LPP: variants seen among roughly 807,000 people sequenced by gnomAD.
LPP encodes lipoma-preferred partner.
LPP carries 38 observed loss-of-function variants against 60.4 expected under a neutral mutation model. That is an observed-to-expected ratio of 0.63 (90% CI 0.49 to 0.83). The LOEUF is 0.83. Ranked by LOEUF, LPP falls within the 40% of genes least tolerant of loss-of-function variation. LPP has a pLI of 0.00. For missense variants in LPP, 902 were observed against 783.6 expected (o/e 1.15, Z -1.80); for synonymous variants, 328 against 290.8 (o/e 1.13, Z -1.30).
intron 8 of LPP, among the ~76,000 whole-genome samples, chr3:188,715,090 T>C (rs899144070): frequency 6.6e-6 from 1 of 152,004 alleles, no homozygotes; most frequent in Non-Finnish European, 1.5e-5. Context: ...TAGTGATAGA[T>C]ACTTAAAAAG....
intron 4 of LPP, among the ~76,000 whole-genome samples, chr3:188,478,897 G>C (rs1484359490): frequency 6.6e-6 from 1 of 152,004 alleles, no homozygotes; most frequent in East Asian, 1.9e-4. Context: ...GGGATTACAG[G>C]CTCCTGCTAC....
At chr3:188,661,848 G>A (rs1335581532) in intron 7 of LPP, among the ~76,000 whole-genome samples, 3 of 152,052 alleles carry the variant, frequency 2.0e-5, no homozygotes, top group African/African-American at 7.2e-5. Context: ...TTATCTTGGA[G>A]AACTCCTAAC....
chr3:188,321,905 G>A (rs1757064934), intron 2 of LPP, among the ~76,000 whole-genome samples: 1 of 152,156 alleles, frequency 6.6e-6, no homozygotes. Flanking sequence ...ATTTTCTTAA[G>A]ATAGCCAGCA....
intron 2 of LPP, among the ~76,000 whole-genome samples, chr3:188,283,347 A>C (rs1442679064): frequency 6.6e-6 from 1 of 152,146 alleles, no homozygotes; most frequent in Non-Finnish European, 1.5e-5. Context: ...CCCCTGTTAC[A>C]AGGAAAGCAG....
intron 2 of LPP, among the ~76,000 whole-genome samples, chr3:188,263,988 G>A (rs1447830634): frequency 6.6e-6 from 1 of 152,142 alleles, no homozygotes; most frequent in Non-Finnish European, 1.5e-5. Flanking sequence ...TGTGTGCAAG[G>A]TGTATTATGT....
intron 4 of LPP, among the ~76,000 whole-genome samples, chr3:188,439,810 C>G (rs1793329585): frequency 6.6e-6 from 1 of 152,128 alleles, no homozygotes; most frequent in African/African-American, 2.4e-5. Context: ...ACTATATTAC[C>G]AAGTTAACCA....
intron 2 of LPP, among the ~76,000 whole-genome samples, chr3:188,300,779 A>G (rs1363222640): frequency 1.3e-5 from 2 of 152,222 alleles, no homozygotes; most frequent in Admixed American, 6.5e-5. Flanking sequence ...AGGATACAAT[A>G]GATTTGTTTT....
At chr3:188,157,701 G>A (rs1716919185) in intron 1 of LPP, among the ~76,000 whole-genome samples, 1 of 151,990 alleles carries the variant, frequency 6.6e-6, no homozygotes, top group Non-Finnish European at 1.5e-5. Flanking sequence ...GAGGGAAAAA[G>A]GTGGAGTGGG....
At chr3:188,671,468 T>A (rs1464511964) in intron 7 of LPP, among the ~76,000 whole-genome samples, 1 of 152,190 alleles carries the variant, frequency 6.6e-6, no homozygotes. Context: ...TTTTTTTCTA[T>A]GCAAATCACA....
chr3:188,401,186 A>G (rs150567560), intron 3 of LPP, among the ~76,000 whole-genome samples: 76 of 152,274 alleles, frequency 5.0e-4, no homozygotes, highest in African/African-American at 1.8e-3. Flanking sequence ...TCAATTTTTA[A>G]TACCTGGAGT....
At chr3:188,740,172 T>C (rs1182170504) in intron 8 of LPP, among the ~76,000 whole-genome samples, 1 of 151,998 alleles carries the variant, frequency 6.6e-6, no homozygotes, top group Admixed American at 6.6e-5. Flanking sequence ...AACACAGGCA[T>C]CAGAAAGTCA....
chr3:188,407,089 A>C (rs1311708601), intron 4 of LPP, among the ~76,000 whole-genome samples: 1 of 152,148 alleles, frequency 6.6e-6, no homozygotes, highest in African/African-American at 2.4e-5. Context: ...TAAAAAAAAA[A>C]AAAACTGAAG....
chr3:188,456,418 C>T (rs998375473), intron 4 of LPP, among the ~76,000 whole-genome samples: 16 of 152,146 alleles, frequency 1.1e-4, no homozygotes, highest in Admixed American at 3.9e-4. Context: ...ACATAGAGAG[C>T]GATAACGTTA....
intron 1 of LPP, chr3:188,179,560 G>A (rs1273769499): frequency 4.4e-6 from 2 of 451,264 alleles, no homozygotes; most frequent in Admixed American, 4.7e-5. Context: ...TCCATTTAAA[G>A]CCCTCTCGAG....
At chr3:188,749,194 A>G (rs1727260610) in intron 8 of LPP, among the ~76,000 whole-genome samples, 1 of 152,308 alleles carries the variant, frequency 6.6e-6, no homozygotes, top group South Asian at 2.1e-4. Flanking sequence ...CCTCACAATC[A>G]GGCAACAGCG....
chr3:188,606,031 C>T (rs1008168182), intron 6 of LPP, among the ~76,000 whole-genome samples: 3 of 152,146 alleles, frequency 2.0e-5, no homozygotes, highest in African/African-American at 7.2e-5. Context: ...CCATAGTACT[C>T]TGTTGAGAGA....
intron 5 of LPP, among the ~76,000 whole-genome samples, chr3:188,494,038 C>T (rs1809203286): frequency 6.6e-6 from 1 of 152,142 alleles, no homozygotes; most frequent in South Asian, 2.1e-4. Flanking sequence ...CTAGCTTGCA[C>T]TTAAACCTTT....
chr3:188,335,334 T>C (rs953280309), intron 2 of LPP, among the ~76,000 whole-genome samples: 2 of 152,188 alleles, frequency 1.3e-5, no homozygotes, highest in African/African-American at 4.8e-5. Context: ...ATGTATCACG[T>C]TTATTGGTTT....
rs184368217 is a variant in LPP, at chr3:188,421,354, A to T, written c.193+15041A>T. Among the ~76,000 whole-genome samples, 26 of 152,328 alleles carry T rather than the reference A, an allele frequency of 1.7e-4. No homozygotes were observed. In the East Asian group the frequency reaches 5.0e-3, roughly 29 times the overall value. ...GAAAAAAGATCCAACATACACAGGA[A>T]TGGAAAGCAGCCATCTTTTTATAGC... On this transcript the variant is annotated intron_variant, in intron 4 of 11. Coordinates refer to ENST00000617246, the MANE Select transcript of LPP (RefSeq NM_001375462.1).
Sources: allele counts gnomAD v4.1 joint callset (sites outside exome capture counted in the v4.1 genomes callset), GRCh38; gene constraint gnomAD v4.1.1; transcripts MANE v1.5; gene names NCBI Gene and HGNC (gene_info 2026-07-23, HGNC 2026-07-21).